Variants in P2RX3 observed in about 807,000 individuals in gnomAD.
The protein encoded by P2RX3 is P2X purinoceptor 3.
A neutral mutation model predicts 51.5 loss-of-function variants in P2RX3; 41 were observed. The observed-to-expected ratio is 0.80, with a 90% CI of 0.62 to 1.03. P2RX3 has a LOEUF of 1.03. Among genes scored for constraint, P2RX3 ranks in the 50% least tolerant of loss-of-function variants. The probability of loss-of-function intolerance (pLI) is 0.00; values close to 1 mark genes in which losing one functional copy is unlikely to be tolerated. For synonymous variants in P2RX3, 185 were observed against 191.6 expected, an observed-to-expected ratio of 0.97 and a Z score of 0.29; for missense variants, 459 against 522.1, an observed-to-expected ratio of 0.88 and a Z score of 1.18.
rs1856896952 is a variant in P2RX3 at position 57,372,118 on chromosome 11, TC to T, written c.*2122del. Among the ~76,000 whole-genome samples, 1 of 152,212 alleles carries T rather than the reference TC, an allele frequency of 6.6e-6. No homozygotes were observed. Among genetic ancestry groups the T allele is most frequent in the African/African-American group, 2.4e-5 (1 of 41,454 alleles). Reference sequence around the variant, plus strand: ...TTACTCAGCACAATCACCAACATAATCACATGGACCCTCACACCAACGCTGG... The same window carrying T: ...TTACTCAGCACAATCACCAACATAATACATGGACCCTCACACCAACGCTGG... On this transcript the variant is annotated 3_prime_UTR_variant, in exon 12 of 12. Transcript: ENST00000263314.
chr11:57,351,220 G>C (rs987434501), intron 8 of P2RX3, among the ~76,000 whole-genome samples: 2 of 152,218 alleles, frequency 1.3e-5, no homozygotes, highest in Non-Finnish European at 2.9e-5. Flanking sequence ...GCCTGAAACT[G>C]TGACGTGCTT....
intron 8 of P2RX3, among the ~76,000 whole-genome samples, chr11:57,353,837 T>TCCCCC (rs3837409): frequency 7.8e-4 from 94 of 120,848 alleles, no homozygotes; most frequent in African/African-American, 2.0e-3. Context: ...CAAATGTCAC[T>TCCCCC]CCCCCCCCCC....
At chr11:57,356,671 T>C (rs898824827) in intron 8 of P2RX3, among the ~76,000 whole-genome samples, 5 of 152,234 alleles carry the variant, frequency 3.3e-5, no homozygotes, top group Admixed American at 3.3e-4. Flanking sequence ...TTGGCTTTGA[T>C]CATTCTCTCT....
upstream of P2RX3, among the ~76,000 whole-genome samples, chr11:57,337,481 A>G (rs914628860): frequency 1.3e-5 from 2 of 152,106 alleles, no homozygotes; most frequent in East Asian, 3.8e-4. Context: ...GTGGAATACT[A>G]TGCAGCTGTA....
At chr11:57,348,814 TCCACTGAC>T in intron 6 of P2RX3, 110 bp downstream of exon 6, 1 of 746,686 alleles carries the variant, frequency 1.3e-6, no homozygotes, top group African/African-American at 1.8e-5. Flanking sequence ...CCACTTTCGC[TCCACTGAC>T]CCATCTCCCT....
chr11:57,365,004 C>T (rs1371346668), intron 8 of P2RX3, among the ~76,000 whole-genome samples: 1 of 152,134 alleles, frequency 6.6e-6, no homozygotes, highest in East Asian at 1.9e-4. Context: ...ACCTTTTTTT[C>T]ACTGAGTCGT....
intron 1 of P2RX3, among the ~76,000 whole-genome samples, chr11:57,339,138 A>G (rs1856291907): frequency 6.6e-6 from 1 of 152,174 alleles, no homozygotes; most frequent in South Asian, 2.1e-4. Flanking sequence ...CAGGTTGATC[A>G]AGTTGGTGGC....
At chr11:57,356,964 C>A (rs1229955745) in intron 8 of P2RX3, among the ~76,000 whole-genome samples, 1 of 152,186 alleles carries the variant, frequency 6.6e-6, no homozygotes, top group African/African-American at 2.4e-5. Flanking sequence ...TGAACACTTA[C>A]CAGTGAGCCA....
At position 57,371,654 on chromosome 11, in the gene P2RX3, C is replaced by G. The variant is rs1297729530; in HGVS notation, c.*1657C>G. Among the ~76,000 whole-genome samples the G allele has an allele frequency of 6.6e-6, 1 of 152,264 alleles. No homozygotes were observed. Among genetic ancestry groups the G allele is most frequent in the Admixed American group, 6.5e-5 (1 of 15,292 alleles). ...CCTTCCCTCACTCTGCCCTAACCCACAGCCCCATGCCCAGGATGGTGGGGC... is the reference window on the plus strand; with the variant it reads ...CCTTCCCTCACTCTGCCCTAACCCAGAGCCCCATGCCCAGGATGGTGGGGC... On this transcript the variant is annotated 3_prime_UTR_variant, in exon 12 of 12. Transcript: ENST00000263314.
At chr11:57,368,201 C>G in intron 9 of P2RX3, 99 bp downstream of exon 9, 1 of 1,388,592 alleles carries the variant, frequency 7.2e-7, no homozygotes, top group Non-Finnish European at 1.0e-6. Flanking sequence ...GGGTCTGCTG[C>G]TGGCCAGCTT....
In P2RX3 at chr11:57,369,409, G is replaced by A. The variant is rs138933929; in HGVS notation, c.1051G>A (p.Asp351Asn). The A allele has an allele frequency of 5.2e-5, 83 of 1,609,162 alleles. No individual in the cohort carries two copies. Among genetic ancestry groups the A allele is most frequent in the Middle Eastern group, 1.6e-4 (1 of 6,064 alleles). Residue 351 changes from aspartate to asparagine, a missense_variant, in exon 11 of 12, where the codon GAC becomes AAC. Coordinates refer to ENST00000263314, the MANE Select transcript of P2RX3 (RefSeq NM_002559.5). Reference protein sequence around the residue: ...IILLNFLKGADQYKAKKFEEV... With the variant: ...IILLNFLKGANQYKAKKFEEV... ...CCTGCTCAACTTCCTCAAGGGGGCC[G>A]ACCAGTACAAAGCCAAGAAGTTTGA...
At position 57,349,900 on chromosome 11, in the gene P2RX3, T is replaced by G; in HGVS notation, c.705+2T>G. The G allele has an allele frequency of 6.2e-7, 1 of 1,614,152 alleles. No individual in the cohort carries two copies. The highest frequency in any genetic ancestry group is 1.1e-5 in the South Asian group (1 of 91,082). ...GATTTTGCCAAACTGGCGCGCACGG[T>G]GAGGACCTAGCCATTCTTCCGCGAC... On this transcript the variant is annotated splice_donor_variant, in intron 7 of 11. Coordinates refer to ENST00000263314, the MANE Select transcript of P2RX3 (RefSeq NM_002559.5). LOFTEE classifies it high-confidence loss of function.
At chr11:57,351,528 G>A (rs1856547985) in intron 8 of P2RX3, among the ~76,000 whole-genome samples, 1 of 152,158 alleles carries the variant, frequency 6.6e-6, no homozygotes, top group South Asian at 2.1e-4. Flanking sequence ...AGGGAGAGAG[G>A]AATTAGAGGA....
chr11:57,368,528 T>C, intron 10 of P2RX3, 91 bp downstream of exon 10: 2 of 1,403,284 alleles, frequency 1.4e-6, no homozygotes, highest in South Asian at 2.3e-5. Flanking sequence ...GGCAAAACTC[T>C]GCCTCTGCCT....
intron 2 of P2RX3, 53 bp downstream of exon 2, chr11:57,346,732 T>C: frequency 6.3e-7 from 1 of 1,598,492 alleles, no homozygotes; most frequent in Admixed American, 1.7e-5. Context: ...CTGGGCAGGT[T>C]GGAAGGGAGA....
chr11:57,347,297 C>A, intron 3 of P2RX3, 110 bp downstream of exon 3: 1 of 1,452,450 alleles, frequency 6.9e-7, no homozygotes, highest in Middle Eastern at 1.8e-4. Context: ...GACCTTGCAA[C>A]TGGGACCTGG....
intron 1 of P2RX3, among the ~76,000 whole-genome samples, chr11:57,340,018 G>A (rs1248978682): frequency 6.6e-6 from 1 of 152,218 alleles, no homozygotes; most frequent in Non-Finnish European, 1.5e-5. Context: ...TGGCCACAAA[G>A]TTCCCTTCCA....
At chr11:57,351,224 C>T (rs1442340396) in intron 8 of P2RX3, among the ~76,000 whole-genome samples, 5 of 152,204 alleles carry the variant, frequency 3.3e-5, no homozygotes, top group Non-Finnish European at 5.9e-5. Flanking sequence ...GAAACTGTGA[C>T]GTGCTTAAGT....
intron 1 of P2RX3, among the ~76,000 whole-genome samples, chr11:57,342,009 T>C (rs1856348401): frequency 6.6e-6 from 1 of 151,994 alleles, no homozygotes; most frequent in South Asian, 2.1e-4. Flanking sequence ...AAGAGAAGGG[T>C]CTAGAATCCT....
Sources: allele counts gnomAD v4.1 joint callset (sites outside exome capture counted in the v4.1 genomes callset), GRCh38; gene constraint gnomAD v4.1.1; transcripts MANE v1.5; gene names NCBI Gene and HGNC (gene_info 2026-07-23, HGNC 2026-07-21).